SHISA9: variants seen among roughly 807,000 people sequenced by gnomAD.
The protein encoded by SHISA9 is shisa family member 9.
Under a neutral mutation model 38.0 loss-of-function variants are expected in SHISA9, and 13 were observed. The ratio of observed to expected loss-of-function variants is 0.34; its 90% CI spans 0.22 to 0.54. The LOEUF is 0.54. SHISA9 is among the 20% of genes least tolerant of loss of function. SHISA9 has a pLI of 0.91. For synonymous variants in SHISA9, 275 were observed against 242.0 expected (o/e 1.14, Z -1.27); for missense variants, 538 against 575.8 (o/e 0.93, Z 0.67).
At chr16:13,505,049 G>C in the SHISA9 span, among the ~76,000 whole-genome samples, 138 of 152,300 alleles carry the variant, frequency 9.1e-4, no homozygotes, top group Admixed American at 2.2e-3. Flanking sequence ...GGTGTGGTTT[G>C]AATGCTCCAT....
At chr16:13,158,932 C>G (rs1387961604) in intron 2 of SHISA9, among the ~76,000 whole-genome samples, 1 of 150,298 alleles carries the variant, frequency 6.7e-6, no homozygotes, top group African/African-American at 2.4e-5. Context: ...TGGTGGCATG[C>G]GCCTGTAGTC....
At chr16:13,231,354 C>G (rs573847220) in intron 4 of SHISA9, among the ~76,000 whole-genome samples, 1 of 152,114 alleles carries the variant, frequency 6.6e-6, no homozygotes, top group East Asian at 1.9e-4. Context: ...ATTTTGATGT[C>G]GAAGGGGGAA....
At chr16:13,079,164 G>T (rs2073618695) in intron 2 of SHISA9, among the ~76,000 whole-genome samples, 1 of 152,184 alleles carries the variant, frequency 6.6e-6, no homozygotes, top group Non-Finnish European at 1.5e-5. Context: ...CCCTTGGCAC[G>T]TAGAAGACAC....
chr16:13,478,022 T>C, the SHISA9 span, among the ~76,000 whole-genome samples: 1 of 152,152 alleles, frequency 6.6e-6, no homozygotes, highest in Non-Finnish European at 1.5e-5. Flanking sequence ...TCCCTCTTAT[T>C]TTCTGGGGAC....
chr16:13,150,636 AT>A lies in SHISA9; in HGVS notation c.692-52756del, dbSNP rs779819702. Among the ~76,000 whole-genome samples, 4 of 152,310 alleles carry A rather than the reference AT, an allele frequency of 2.6e-5. No individual in the cohort carries two copies. The East Asian group carries it at 5.8e-4, about 22-fold the overall frequency. On this transcript the variant is annotated intron_variant, in intron 2 of 4. Coordinates refer to ENST00000558583, the MANE Select transcript of SHISA9 (RefSeq NM_001145204.3). The stretch of plus-strand genomic sequence containing the variant: ...AGAATTTCAGCCCTACCCCAAGCCT[AT>A]TGAATCAGAATATGAATTTTTAAAA...
At chr16:13,323,481 G>A in the SHISA9 span, among the ~76,000 whole-genome samples, 1 of 152,154 alleles carries the variant, frequency 6.6e-6, no homozygotes. Flanking sequence ...GATATAGTTT[G>A]GATGTTTGGC....
chr16:13,064,630 C>T (rs983743143), intron 2 of SHISA9, among the ~76,000 whole-genome samples: 3 of 151,968 alleles, frequency 2.0e-5, no homozygotes, highest in Non-Finnish European at 4.4e-5. Flanking sequence ...TAGCCAATAA[C>T]GGAAGTTTGC....
At chr16:13,393,345 C>G in the SHISA9 span, among the ~76,000 whole-genome samples, 1 of 152,172 alleles carries the variant, frequency 6.6e-6, no homozygotes, top group African/African-American at 2.4e-5. Flanking sequence ...GCACTGGGCC[C>G]CCCAAAATTG....
intron 2 of SHISA9, among the ~76,000 whole-genome samples, chr16:12,986,715 A>G (rs1180407748): frequency 6.6e-6 from 1 of 152,230 alleles, no homozygotes; most frequent in Non-Finnish European, 1.5e-5. Flanking sequence ...AGGAAACACT[A>G]ACTGTACCAG....
intron 2 of SHISA9, among the ~76,000 whole-genome samples, chr16:13,191,797 C>A (rs1026864877): frequency 1.3e-5 from 2 of 152,188 alleles, no homozygotes; most frequent in African/African-American, 4.8e-5. Context: ...TGTCCCTGGG[C>A]AGGACCAGTG....
chr16:13,230,814 G>A (rs1482334202), intron 4 of SHISA9, among the ~76,000 whole-genome samples: 1 of 152,130 alleles, frequency 6.6e-6, no homozygotes, highest in African/African-American at 2.4e-5. Context: ...CTAAAGAAGG[G>A]GTGGATTATT....
intron 2 of SHISA9, among the ~76,000 whole-genome samples, chr16:13,092,716 G>A (rs549741815): frequency 6.6e-6 from 1 of 152,198 alleles, no homozygotes; most frequent in African/African-American, 2.4e-5. Flanking sequence ...CGTTTTTCCA[G>A]GTAGTCTGTT....
At chr16:13,526,254 C>T in the SHISA9 span, among the ~76,000 whole-genome samples, 1 of 152,210 alleles carries the variant, frequency 6.6e-6, no homozygotes, top group Non-Finnish European at 1.5e-5. Flanking sequence ...CACAATACTT[C>T]CTGAGGACTT....
chr16:13,231,064 G>A (rs1315830297), intron 4 of SHISA9, among the ~76,000 whole-genome samples: 1 of 152,182 alleles, frequency 6.6e-6, no homozygotes. Context: ...TTAACCATCT[G>A]GGAATGCAGC....
the SHISA9 span, among the ~76,000 whole-genome samples, chr16:13,488,654 G>A: frequency 6.8e-6 from 1 of 146,444 alleles, no homozygotes; most frequent in Non-Finnish European, 1.5e-5. Flanking sequence ...TATATCCTGA[G>A]TATGTAGTAG....
At chr16:13,446,090 C>A in the SHISA9 span, among the ~76,000 whole-genome samples, 4 of 151,938 alleles carry the variant, frequency 2.6e-5, no homozygotes, top group South Asian at 8.4e-4. Context: ...CTACAGGTGC[C>A]CGCCACCATG....
chr16:13,044,396 T>G (rs1377384001), intron 2 of SHISA9, among the ~76,000 whole-genome samples: 1 of 152,342 alleles, frequency 6.6e-6, no homozygotes, highest in East Asian at 1.9e-4. Flanking sequence ...ATTGAACCTT[T>G]CTGAACCTCG....
the SHISA9 span, among the ~76,000 whole-genome samples, chr16:13,262,906 T>C: frequency 6.6e-6 from 1 of 152,122 alleles, no homozygotes; most frequent in Non-Finnish European, 1.5e-5. Flanking sequence ...ATCTACTCTC[T>C]TCCTTCTAAA....
chr16:13,225,372 C>T (rs1052750866), intron 4 of SHISA9, among the ~76,000 whole-genome samples: 1 of 152,190 alleles, frequency 6.6e-6, no homozygotes, highest in Non-Finnish European at 1.5e-5. Flanking sequence ...CGAACACACA[C>T]TGTGATGTGT....
Sources: allele counts gnomAD v4.1 joint callset (sites outside exome capture counted in the v4.1 genomes callset), GRCh38; gene constraint gnomAD v4.1.1; transcripts MANE v1.5; gene names NCBI Gene and HGNC (gene_info 2026-07-23, HGNC 2026-07-21).